ITGBL1: variants seen among roughly 807,000 people sequenced by gnomAD.
ITGBL1 encodes integrin beta-like protein 1.
ITGBL1 carries 51 observed loss-of-function variants against 68.5 expected under a neutral mutation model. That is an observed-to-expected ratio of 0.74 (90% CI 0.59 to 0.94). The LOEUF (loss-of-function observed/expected upper bound fraction) is 0.94. ITGBL1 is among the 40% of genes least tolerant of loss of function. The pLI, the probability that ITGBL1 is intolerant of heterozygous loss-of-function variation, is 0.00. For missense variants in ITGBL1, 649 were observed against 647.4 expected (o/e 1.00, Z -0.03); for synonymous variants, 209 against 227.3 (o/e 0.92, Z 0.72).
chr13:101,692,179 C>A (rs1200499210), intron 7 of ITGBL1, among the ~76,000 whole-genome samples: 1 of 151,596 alleles, frequency 6.6e-6, no homozygotes, highest in Non-Finnish European at 1.5e-5. Flanking sequence ...AGCAGATAGA[C>A]CCAAGATTAA....
At chr13:101,554,426 G>C (rs1031483114) in intron 2 of ITGBL1, among the ~76,000 whole-genome samples, 1 of 152,182 alleles carries the variant, frequency 6.6e-6, no homozygotes, top group Non-Finnish European at 1.5e-5. Flanking sequence ...TTCTCTAGCT[G>C]CTGTCTTACA....
intron 7 of ITGBL1, among the ~76,000 whole-genome samples, chr13:101,662,865 A>T (rs2033123134): frequency 6.6e-6 from 1 of 151,978 alleles, no homozygotes; most frequent in African/African-American, 2.4e-5. Context: ...TGTCTGAACT[A>T]TTTCCATGAT....
intron 2 of ITGBL1, among the ~76,000 whole-genome samples, chr13:101,537,199 A>G (rs78187432): frequency 0.012 from 1,776 of 152,156 alleles, 35 homozygotes; most frequent in African/African-American, 0.04. Context: ...GCCCTGAAAC[A>G]CAAATATTAT....
chr13:101,692,917 A>C (rs2033915508), intron 8 of ITGBL1: 1 of 470,770 alleles, frequency 2.1e-6, no homozygotes, highest in African/African-American at 2.0e-5. Context: ...TACGCAGTAC[A>C]CTATCAATAA....
At chr13:101,487,726 G>T (rs192931195) in intron 2 of ITGBL1, among the ~76,000 whole-genome samples, 147 of 152,294 alleles carry the variant, frequency 9.7e-4, no homozygotes, top group Non-Finnish European at 1.6e-3. Context: ...TATACTGGCA[G>T]CACACTGGCC....
chr13:101,576,426 G>A (rs1370253995), intron 4 of ITGBL1, among the ~76,000 whole-genome samples: 1 of 152,122 alleles, frequency 6.6e-6, no homozygotes, highest in Non-Finnish European at 1.5e-5. Flanking sequence ...AACCTTGACT[G>A]GTGTAGGAAA....
intron 6 of ITGBL1, 133 bp from the exon 7 acceptor site, chr13:101,598,020 G>C (rs536704682): frequency 1.1e-4 from 78 of 733,016 alleles, no homozygotes; most frequent in Non-Finnish European, 1.4e-4. Flanking sequence ...AAAAATGTGC[G>C]TTTGCCTTAA....
At chr13:101,603,649 TAAAA>T (rs201410146) in intron 7 of ITGBL1, among the ~76,000 whole-genome samples, 2 of 150,848 alleles carry the variant, frequency 1.3e-5, no homozygotes, top group Non-Finnish European at 3.0e-5. Context: ...CCCAGACATG[TAAAA>T]AAAATGACCA....
At chr13:101,616,843 A>G (rs1453007950) in intron 7 of ITGBL1, among the ~76,000 whole-genome samples, 1 of 152,164 alleles carries the variant, frequency 6.6e-6, no homozygotes, top group Non-Finnish European at 1.5e-5. Context: ...GGCCAGAATA[A>G]TCTGCATTGT....
At chr13:101,692,921 T>C (rs2033915694) in intron 8 of ITGBL1, 1 of 439,700 alleles carries the variant, frequency 2.3e-6, no homozygotes, top group African/African-American at 2.0e-5. Flanking sequence ...CAGTACACTA[T>C]CAATAAAAGA....
intron 6 of ITGBL1, among the ~76,000 whole-genome samples, chr13:101,584,914 G>C (rs1449620417): frequency 6.6e-6 from 1 of 151,694 alleles, no homozygotes; most frequent in East Asian, 1.9e-4. Flanking sequence ...CAGTGCATGT[G>C]GGTTTTATCC....
chr13:101,670,455 G>C (rs1209652582), intron 7 of ITGBL1, among the ~76,000 whole-genome samples: 1 of 152,082 alleles, frequency 6.6e-6, no homozygotes, highest in Non-Finnish European at 1.5e-5. Flanking sequence ...GCTTTATGTT[G>C]TCTTACTAGG....
chr13:101,492,304 G>T (rs1454622923), intron 2 of ITGBL1, among the ~76,000 whole-genome samples: 1 of 152,162 alleles, frequency 6.6e-6, no homozygotes, highest in African/African-American at 2.4e-5. Flanking sequence ...AAGGCGTTAA[G>T]TCAATATATG....
chr13:101,648,396 T>C (rs1037202014), intron 7 of ITGBL1, among the ~76,000 whole-genome samples: 1 of 152,286 alleles, frequency 6.6e-6, no homozygotes, highest in Admixed American at 6.5e-5. Context: ...GTAGTGCGTT[T>C]AACACAGATT....
At chr13:101,592,738 A>G (rs1021695377) in intron 6 of ITGBL1, among the ~76,000 whole-genome samples, 1 of 152,140 alleles carries the variant, frequency 6.6e-6, no homozygotes. Context: ...CAGAAGAATG[A>G]GATTAAATCA....
At chr13:101,512,387 C>A (rs1263936325) in intron 2 of ITGBL1, among the ~76,000 whole-genome samples, 1 of 152,080 alleles carries the variant, frequency 6.6e-6, no homozygotes, top group Non-Finnish European at 1.5e-5. Context: ...TTAAGAATTT[C>A]CATTTTCTGA....
chr13:101,573,619 T>G (rs1185590427), intron 3 of ITGBL1, among the ~76,000 whole-genome samples: 1 of 152,154 alleles, frequency 6.6e-6, no homozygotes, highest in Non-Finnish European at 1.5e-5. Context: ...GGGTACATAT[T>G]CATCACTTGG....
intron 3 of ITGBL1, among the ~76,000 whole-genome samples, chr13:101,568,738 A>G (rs565210065): frequency 6.6e-6 from 1 of 152,142 alleles, no homozygotes; most frequent in African/African-American, 2.4e-5. Flanking sequence ...TGAAGCTCAC[A>G]TTGTTGGTAG....
intron 2 of ITGBL1, among the ~76,000 whole-genome samples, chr13:101,562,504 C>T (rs1276633394): frequency 6.6e-6 from 1 of 151,738 alleles, no homozygotes; most frequent in African/African-American, 2.4e-5. Flanking sequence ...TGCAAACACC[C>T]GTCAAATGAA....
Sources: allele counts gnomAD v4.1 joint callset (sites outside exome capture counted in the v4.1 genomes callset), GRCh38; gene constraint gnomAD v4.1.1; transcripts MANE v1.5; gene names NCBI Gene and HGNC (gene_info 2026-07-23, HGNC 2026-07-21).